GALNS: variants seen among roughly 807,000 people sequenced by gnomAD.
The protein encoded by GALNS is galactosamine (N-acetyl)-6-sulfatase.
Under a neutral mutation model 65.9 loss-of-function variants are expected in GALNS, and 65 were observed. That is an observed-to-expected ratio of 0.99 (90% confidence interval 0.81 to 1.21). The LOEUF is 1.21. GALNS is among the 50% of genes most tolerant of loss of function. The pLI, the probability that GALNS is intolerant of heterozygous loss-of-function variation, is 0.00. For missense variants in GALNS, 776 were observed against 700.7 expected, an observed-to-expected ratio of 1.11 and a Z score of -1.21; for synonymous variants, 346 against 288.9, an observed-to-expected ratio of 1.20 and a Z score of -2.00.
rs544291608 is a variant in GALNS, at chr16:88,855,860, G to C, written c.120+898C>G. On this transcript the variant is annotated intron_variant, in intron 1 of 13. Transcript: ENST00000268695. Reference sequence around the variant, plus strand: ...TCTGCTGGTCGGAGCCAGCACACAGGGGCTGAGCGACACCGACGGCCCAAA... The same window carrying C: ...TCTGCTGGTCGGAGCCAGCACACAGCGGCTGAGCGACACCGACGGCCCAAA... 30 of 503,608 alleles carry C rather than the reference G, an allele frequency of 6.0e-5. No homozygotes were observed. In the East Asian group the frequency reaches 1.1e-3, roughly 18 times the overall value. 31.2% of individuals were successfully genotyped at this position (503,608 alleles called of 1,614,324 possible). A position where few individuals can be genotyped will look rare whatever the true frequency, so the allele number is the denominator to read the frequency against.
At chr16:88,840,090 C>T (rs1044630076) in intron 4 of GALNS, among the ~76,000 whole-genome samples, 7 of 152,222 alleles carry the variant, frequency 4.6e-5, no homozygotes, top group African/African-American at 1.4e-4. Flanking sequence ...CTGCTGTGCC[C>T]ATCAGCTCTG....
In GALNS at chr16:88,826,800, G is replaced by A; in HGVS notation, c.1041C>T (p.Thr347=). The A allele has an allele frequency of 6.3e-7, 1 of 1,597,144 alleles. No homozygotes were observed. Among genetic ancestry groups the A allele is most frequent in the Non-Finnish European group, 8.5e-7 (1 of 1,172,568 alleles). The change falls in exon 10 of 14, where the codon ACC becomes ACT. Residue 347 remains threonine, a synonymous_variant. Coordinates refer to ENST00000268695, the MANE Select transcript of GALNS (RefSeq NM_000512.5). Reference sequence around the variant, plus strand: ...TCAGGCCCGCAAGGGCCAGGCTGGTGGTGAAGAGGTCCATGATGCTGCCCA... The same window carrying A: ...TCAGGCCCGCAAGGGCCAGGCTGGTAGTGAAGAGGTCCATGATGCTGCCCA... ...HQLGSIMDLF[T]TSLALAGLTP...
chr16:88,837,806 G>A, intron 4 of GALNS, 41 bp from the exon 5 acceptor site: 2 of 1,610,202 alleles, frequency 1.2e-6, no homozygotes, highest in South Asian at 1.1e-5. Flanking sequence ...ACCCCACGTG[G>A]GGACACTCGG....
At chr16:88,816,596 G>A in intron 13 of GALNS, 1 of 983,484 alleles carries the variant, frequency 1.0e-6, no homozygotes, top group Non-Finnish European at 1.2e-6. Context: ...ACTGTCCCTG[G>A]GCAGGGACAA....
At chr16:88,814,784 A>G (rs1453526726) in intron 13 of GALNS, among the ~76,000 whole-genome samples, 1 of 152,152 alleles carries the variant, frequency 6.6e-6, no homozygotes, top group Non-Finnish European at 1.5e-5. Flanking sequence ...TATTTTTAGT[A>G]GAGACGGAGT....
intron 9 of GALNS, among the ~76,000 whole-genome samples, chr16:88,830,825 G>A (rs1911424776): frequency 6.6e-6 from 1 of 152,170 alleles, no homozygotes; most frequent in East Asian, 1.9e-4. Context: ...CTCGTGTCGG[G>A]CTGCTGCTGT....
intron 13 of GALNS, chr16:88,816,940 C>T: frequency 3.0e-6 from 3 of 985,466 alleles, no homozygotes; most frequent in Non-Finnish European, 3.6e-6. Flanking sequence ...GGCCCAGGGG[C>T]CTCGAGGCTG....
chr16:88,846,574 A>G (rs1260479564), intron 1 of GALNS, among the ~76,000 whole-genome samples: 6 of 142,376 alleles, frequency 4.2e-5, no homozygotes, highest in Non-Finnish European at 9.0e-5. Flanking sequence ...TGGAGGGCAC[A>G]ATCTCGACTC....
At chr16:88,838,530 C>G (rs950634260) in intron 4 of GALNS, 5 of 152,560 alleles carry the variant, frequency 3.3e-5, no homozygotes, top group Admixed American at 6.5e-5. Flanking sequence ...CCCCTTCTGA[C>G]AATCCCCCGC....
At chr16:88,836,994 C>T (rs1389383504) in intron 5 of GALNS, among the ~76,000 whole-genome samples, 1 of 152,256 alleles carries the variant, frequency 6.6e-6, no homozygotes, top group Non-Finnish European at 1.5e-5. Context: ...CGTGGTGCGA[C>T]TCCCACACCT....
rs2142999156 is a variant in GALNS at position 88,832,042 on chromosome 16, C to T, written c.958G>A (p.Glu320Lys). Residue 320 changes from glutamate to lysine, a missense_variant, in exon 9 of 14, where the codon GAG becomes AAG. Transcript: ENST00000268695. ...CCTGGCCACCATGCGAGGGCAGGCT[C>T]CCTCATCCCTCCTTCAAACGTGGTC... The part of the protein sequence containing the change: ...KQTTFEGGMR[E>K]PALAWWPGHV... The T allele has an allele frequency of 6.2e-7, 1 of 1,613,870 alleles. No homozygotes were observed. Among genetic ancestry groups the T allele is most frequent in the South Asian group, 1.1e-5 (1 of 91,082 alleles).
At chr16:88,855,634 T>C in intron 1 of GALNS, 1 of 611,666 alleles carries the variant, frequency 1.6e-6, no homozygotes, top group Non-Finnish European at 2.9e-6. Flanking sequence ...AAGTATATCT[T>C]TATGTTAAAA....
intron 11 of GALNS, among the ~76,000 whole-genome samples, chr16:88,824,543 G>A (rs1910602480): frequency 6.6e-6 from 1 of 152,164 alleles, no homozygotes; most frequent in South Asian, 2.1e-4. Context: ...CGGGGCTACT[G>A]TCATCACGCG....
intron 13 of GALNS, among the ~76,000 whole-genome samples, chr16:88,817,676 C>T (rs1480319021): frequency 1.3e-5 from 2 of 152,220 alleles, no homozygotes; most frequent in Admixed American, 6.5e-5. Context: ...GACCCTCTCA[C>T]GCGCCCTGCT....
At chr16:88,856,699 T>C (rs967951008) in intron 1 of GALNS, 59 bp downstream of exon 1, 1 of 431,530 alleles carries the variant, frequency 2.3e-6, no homozygotes, top group Non-Finnish European at 4.2e-6. Flanking sequence ...CCTCCCTCCA[T>C]CCGCCCCTCC....
intron 13 of GALNS, among the ~76,000 whole-genome samples, chr16:88,814,792 A>G (rs1342557080): frequency 6.6e-6 from 1 of 152,058 alleles, no homozygotes; most frequent in African/African-American, 2.4e-5. Context: ...GTAGAGACGG[A>G]GTTTCACCAT....
intron 1 of GALNS, chr16:88,843,049 G>T: frequency 1.3e-6 from 2 of 1,520,452 alleles, no homozygotes; most frequent in Non-Finnish European, 1.8e-6. Flanking sequence ...GCCTGCGTGC[G>T]TGCACGATGG....
At chr16:88,845,005 G>A (rs991780897) in intron 1 of GALNS, 11 of 151,966 alleles carry the variant, frequency 7.2e-5, no homozygotes, top group Non-Finnish European at 2.9e-5. Flanking sequence ...TTGGTTTTTT[G>A]AACAATTTAA....
intron 1 of GALNS, among the ~76,000 whole-genome samples, chr16:88,847,961 TG>T (rs988064672): frequency 1.8e-4 from 27 of 152,242 alleles, no homozygotes; most frequent in African/African-American, 5.5e-4. Context: ...CATCCATGGG[TG>T]GAAGCCTCAG....
Sources: gnomAD v4.1 joint callset for allele counts (sites outside exome capture counted in the v4.1 genomes callset) on GRCh38, gnomAD v4.1.1 for gene constraint, MANE v1.5 for transcripts, NCBI Gene and HGNC (gene_info 2026-07-23, HGNC 2026-07-21) for gene names.